The following LRRC31 variants were observed in gnomAD, a reference collection of about 807,000 sequenced individuals.
LRRC31 encodes the protein leucine rich repeat containing 31.
Under a neutral mutation model 46.7 loss-of-function variants are expected in LRRC31, and 35 were observed. The ratio of observed to expected loss-of-function variants is 0.75; its 90% confidence interval spans 0.57 to 0.99. The LOEUF is 0.99. Ranked by LOEUF, LRRC31 falls within the 50% of genes least tolerant of loss-of-function variation. LRRC31 has a pLI of 0.00. For synonymous variants in LRRC31, 236 were observed against 235.1 expected, an observed-to-expected ratio of 1.00 and a Z score of -0.03; for missense variants, 613 against 626.1, an observed-to-expected ratio of 0.98 and a Z score of 0.22.
chr3:169,859,069 TA>T (rs200349954), intron 3 of LRRC31, among the ~76,000 whole-genome samples: 2 of 137,302 alleles, frequency 1.5e-5, no homozygotes, highest in African/African-American at 5.5e-5. Flanking sequence ...CTACTAAAAA[TA>T]AAAAAAATAC....
chr3:169,851,537 C>T (rs780720380), intron 7 of LRRC31, 82 bp downstream of exon 7: 260 of 1,386,446 alleles, frequency 1.9e-4, no homozygotes, highest in Non-Finnish European at 2.3e-4. Context: ...ACTGGCTGAG[C>T]CTTGGAATGA....
Position 169,840,202 on chromosome 3 carries a change from A to C in LRRC31, c.1439T>G (p.Leu480Arg). The C allele has an allele frequency of 6.2e-7, 1 of 1,614,188 alleles. No homozygotes were observed. The highest frequency in any genetic ancestry group is 1.7e-5 in the Admixed American group (1 of 60,006). ...WTMFCQNVRF[L>R]KELIELDISL... is the part of the protein sequence containing the mutation. ...AATATCCAGCTCGATTAGCTCTTTG[A>C]GGAACCGCACGTTTTGGCAGAACAT... Residue 480 changes from leucine to arginine, a missense_variant, in exon 9 of 9, where the codon CTC becomes CGC. Transcript: ENST00000316428.
In LRRC31 at chr3:169,840,244, C is replaced by A. The variant is rs371285400; in HGVS notation, c.1397G>T (p.Cys466Phe). The A allele has an allele frequency of 6.8e-5, 110 of 1,614,064 alleles. No individual in the cohort carries two copies. The highest frequency in any genetic ancestry group is 8.4e-5 in the Non-Finnish European group (99 of 1,180,036). ...KLDLSYNDSI[C>F]DAGWTMFCQN... ...GCAGAACATGGTCCACCCCGCATCA[C>A]AGATGCTGTCATTGTAGCTCAGGTC... Residue 466 changes from cysteine to phenylalanine, a missense_variant, in exon 9 of 9, where the codon TGT becomes TTT. Coordinates refer to ENST00000316428, the MANE Select transcript of LRRC31 (RefSeq NM_024727.4).
chr3:169,852,466 A>G (rs903215452), intron 6 of LRRC31, among the ~76,000 whole-genome samples: 1 of 150,884 alleles, frequency 6.6e-6, no homozygotes, highest in African/African-American at 2.4e-5. Flanking sequence ...GGTCATTGGG[A>G]AGGTAAAATG....
At chr3:169,854,757 C>T in intron 6 of LRRC31, 56 bp downstream of exon 6, 2 of 1,412,950 alleles carry the variant, frequency 1.4e-6, no homozygotes, top group Non-Finnish European at 1.9e-6. Flanking sequence ...TTCCAAGTTT[C>T]CAAATATAGG....
chr3:169,867,045 TTG>T (rs1221230906), intron 1 of LRRC31, among the ~76,000 whole-genome samples: 3 of 104,932 alleles, frequency 2.9e-5, no homozygotes, highest in East Asian at 2.2e-4. Flanking sequence ...TGGGTTTTTT[TTG>T]TTTGTTTGTT....
At chr3:169,868,213 C>A (rs1340870994) in intron 1 of LRRC31, among the ~76,000 whole-genome samples, 6 of 152,188 alleles carry the variant, frequency 3.9e-5, no homozygotes, top group Non-Finnish European at 7.3e-5. Flanking sequence ...CTTTAGCATC[C>A]CTGACTTCCT....
rs887965372 is a variant in LRRC31 at position 169,856,725 on chromosome 3, G to A, written c.635C>T (p.Ser212Leu). The A allele has an allele frequency of 3.7e-5, 58 of 1,586,424 alleles. No individual in the cohort carries two copies. The highest frequency in any genetic ancestry group is 5.0e-5 in the Non-Finnish European group (58 of 1,165,446). The change falls in exon 4 of 9, where the codon TCA (serine) becomes TTA (leucine). Residue 212 changes from serine (S) to leucine (L), a missense_variant. By Grantham distance (145) the Ser-to-Leu change is moderately radical (BLOSUM62 -2). Coordinates refer to ENST00000316428, the MANE Select transcript of LRRC31 (RefSeq NM_024727.4). ...CTTACCCAGAAATGTCCCATCTTCT[G>A]ACGTGAGGGAGCAATCCACAAGCTC... Reference protein sequence around the residue: ...MIELVDCSLTSEDGTFLGQLL... With the variant: ...MIELVDCSLTLEDGTFLGQLL...
At position 169,840,058 on chromosome 3, in the gene LRRC31, G is replaced by A. The variant is rs1780399704; in HGVS notation, c.1583C>T (p.Ser528Leu). Residue 528 changes from serine (S) to leucine (L), a missense_variant, in exon 9 of 9, where the codon TCA becomes TTA. Ser to Leu is a moderately radical substitution (Grantham distance 145). Coordinates refer to ENST00000316428, the MANE Select transcript of LRRC31 (RefSeq NM_024727.4). ...IGMKRWILPA[S>L]QEEELECFDQ... ...AAAGCATTCTAGTTCTTCCTCCTGT[G>A]AAGCTGGGAGAATCCATCTTTTCAT... 1 of 1,613,930 alleles carries A rather than the reference G, an allele frequency of 6.2e-7. No homozygotes were observed. Among genetic ancestry groups the A allele is most frequent in the African/African-American group, 1.3e-5 (1 of 74,878 alleles).
At chr3:169,843,456 C>T (rs554064787) in intron 8 of LRRC31, among the ~76,000 whole-genome samples, 13 of 152,324 alleles carry the variant, frequency 8.5e-5, no homozygotes, top group African/African-American at 3.1e-4. Flanking sequence ...AGAGAACCGA[C>T]ACAAGCTGTG....
chr3:169,850,356 C>T (rs1780721533), intron 7 of LRRC31, among the ~76,000 whole-genome samples: 2 of 152,286 alleles, frequency 1.3e-5, no homozygotes, highest in Middle Eastern at 3.4e-3. Flanking sequence ...CCATGTCCTG[C>T]TCCCAGCACT....
intron 3 of LRRC31, among the ~76,000 whole-genome samples, chr3:169,858,191 C>A (rs1222281362): frequency 3.9e-5 from 6 of 152,080 alleles, no homozygotes; most frequent in African/African-American, 1.4e-4. Flanking sequence ...TAGGTAAGCC[C>A]CTCCTGATGG....
At chr3:169,854,067 G>A (rs964983479) in intron 6 of LRRC31, among the ~76,000 whole-genome samples, 3 of 152,232 alleles carry the variant, frequency 2.0e-5, no homozygotes, top group South Asian at 2.1e-4. Flanking sequence ...CCAGGGTGGA[G>A]TCTGTGAGGA....
chr3:169,857,593 AGCTCCCAGG>A (rs937963565), intron 3 of LRRC31, among the ~76,000 whole-genome samples: 91 of 151,794 alleles, frequency 6.0e-4, no homozygotes, highest in Non-Finnish European at 5.3e-4. Context: ...CACACTGGAA[AGCTCCCAGG>A]GCTGCAGAGT....
At position 169,856,364 on chromosome 3, in the gene LRRC31, T is replaced by C; in HGVS notation, c.795A>G (p.Gly265=). The C allele has an allele frequency of 6.3e-7, 1 of 1,594,672 alleles. No individual in the cohort carries two copies. The highest frequency in any genetic ancestry group is 1.1e-5 in the South Asian group (1 of 86,990). Residue 265 remains glycine, a synonymous_variant, in exon 5 of 9, where the codon GGA becomes GGG. Coordinates refer to ENST00000316428, the MANE Select transcript of LRRC31 (RefSeq NM_024727.4). ...ATATTTTGACACTCTTTTGTGATAA[T>C]CCACATGAATGTAACTTCAGTACTT... ...NLKVLKLHSC[G]LSQKSVKILD...
chr3:169,842,856 A>C (rs1236932515), intron 8 of LRRC31, among the ~76,000 whole-genome samples: 2 of 152,228 alleles, frequency 1.3e-5, no homozygotes, highest in African/African-American at 4.8e-5. Context: ...TAAACATTAA[A>C]TAAAATAACT....
At chr3:169,846,700 C>T (rs1377765549) in intron 8 of LRRC31, among the ~76,000 whole-genome samples, 3 of 151,872 alleles carry the variant, frequency 2.0e-5, no homozygotes, top group Admixed American at 2.0e-4. Context: ...AGGACAACAA[C>T]CCTCATCTCT....
At chr3:169,861,421 G>A (rs1241300329) in intron 2 of LRRC31, among the ~76,000 whole-genome samples, 1 of 151,644 alleles carries the variant, frequency 6.6e-6, no homozygotes, top group African/African-American at 2.4e-5. Flanking sequence ...TCGGGAGGCT[G>A]AGGCAGGAGA....
chr3:169,861,812 A>G lies in LRRC31; in HGVS notation c.177T>C (p.Ala59=). ...WIQKTATSET[A]KPLSSEMEWR... ...ATTCCATTTCTGAACTGAGAGGCTTAGCTGTGTGATAAGCATAAAAAAGAA... is the reference window on the plus strand; with the variant it reads ...ATTCCATTTCTGAACTGAGAGGCTTGGCTGTGTGATAAGCATAAAAAAGAA... The change falls in exon 2 of 9, where the codon GCT becomes GCC. Residue 59 remains alanine (A), a splice_region_variant and synonymous_variant. Transcript: ENST00000316428. 6.2e-7 allele frequency: 1 copy of G among 1,613,026 alleles called. No homozygotes were observed. The highest frequency in any genetic ancestry group is 8.5e-7 in the Non-Finnish European group (1 of 1,179,632).
Sources: gnomAD v4.1 joint callset for allele counts (sites outside exome capture counted in the v4.1 genomes callset) on GRCh38, gnomAD v4.1.1 for gene constraint, MANE v1.5 for transcripts, NCBI Gene and HGNC (gene_info 2026-07-23, HGNC 2026-07-21) for gene names.